NHERF1: variants seen among roughly 807,000 people sequenced by gnomAD.
NHERF1 encodes NHERF family PDZ scaffold protein 1.
At chr17:74,766,183 GTTT>G in the NHERF1 span, among the ~76,000 whole-genome samples, 1 of 151,104 alleles carries the variant, frequency 6.6e-6, no homozygotes, top group African/African-American at 2.5e-5. Flanking sequence ...TTTTTGGTTT[GTTT>G]TTTTTGTTTT....
At chr17:74,768,696 G>A in the NHERF1 span, 1 of 1,584,658 alleles carries the variant, frequency 6.3e-7, no homozygotes, top group Non-Finnish European at 8.7e-7. Flanking sequence ...GGCCGAGCCA[G>A]CATTCCACCC....
At chr17:74,758,219 C>T in the NHERF1 span, among the ~76,000 whole-genome samples, 1 of 152,230 alleles carries the variant, frequency 6.6e-6, no homozygotes, top group Non-Finnish European at 1.5e-5. This position sits in a 1 kb window ranked among gnomAD's most constrained non-coding sequence, Gnocchi z 4.3. Context: ...CTATTGAATT[C>T]CGTGCCCGCC....
At chr17:74,754,300 C>A in the NHERF1 span, among the ~76,000 whole-genome samples, 3 of 151,938 alleles carry the variant, frequency 2.0e-5, no homozygotes, top group African/African-American at 4.8e-5. Context: ...TAGAGTGGCC[C>A]TACCTGGAAG....
chr17:74,762,008 G>T, the NHERF1 span: 3 of 1,613,828 alleles, frequency 1.9e-6, no homozygotes, highest in Non-Finnish European at 2.5e-6. The surrounding 1 kb of genome is among the most constrained non-coding windows in gnomAD (Gnocchi z 4.2). Flanking sequence ...CCCTGTCCCT[G>T]CAGCGCGAGC....
chr17:74,767,180 C>T, the NHERF1 span, among the ~76,000 whole-genome samples: 75 of 152,314 alleles, frequency 4.9e-4, 3 homozygotes, highest in South Asian at 0.015. Context: ...CAGGAGGGAG[C>T]GGGCTGGCTG....
the NHERF1 span, among the ~76,000 whole-genome samples, chr17:74,767,310 GCC>G: frequency 6.6e-6 from 1 of 151,280 alleles, no homozygotes; most frequent in South Asian, 2.1e-4. Flanking sequence ...GGGCAGCCGG[GCC>G]CCTGCTACTT....
At chr17:74,751,472 G>A in the NHERF1 span, among the ~76,000 whole-genome samples, 1,754 of 152,324 alleles carry the variant, frequency 0.012, 33 homozygotes, top group African/African-American at 0.04. The surrounding 1 kb of genome is among the most constrained non-coding windows in gnomAD (Gnocchi z 4.3). Context: ...GATATCAGTG[G>A]AAAAGTGTGG....
the NHERF1 span, chr17:74,749,318 A>G: frequency 2.0e-6 from 3 of 1,515,652 alleles, no homozygotes; most frequent in African/African-American, 2.8e-5. The surrounding 1 kb of genome is among the most constrained non-coding windows in gnomAD (Gnocchi z 5.6). Context: ...GCAGGCTGGC[A>G]TGGAGTGGGA....
At chr17:74,748,934 G>C in the NHERF1 span, 2 of 1,603,554 alleles carry the variant, frequency 1.2e-6, no homozygotes, top group Non-Finnish European at 1.7e-6. This position sits in a 1 kb window ranked among gnomAD's most constrained non-coding sequence, Gnocchi z 4.3. Context: ...CCACCTGCAC[G>C]GGGAGAAGGG....
the NHERF1 span, among the ~76,000 whole-genome samples, chr17:74,755,497 C>T: frequency 6.6e-6 from 1 of 152,286 alleles, no homozygotes; most frequent in African/African-American, 2.4e-5. Flanking sequence ...TCCCTAGGCC[C>T]TAGAAAAGGA....
the NHERF1 span, chr17:74,748,912 C>T: frequency 1.2e-6 from 2 of 1,600,782 alleles, no homozygotes; most frequent in African/African-American, 1.3e-5. The surrounding 1 kb of genome is among the most constrained non-coding windows in gnomAD (Gnocchi z 4.3). Flanking sequence ...AGGGTCCGAA[C>T]GGCTACGGCT....
At chr17:74,763,617 G>T in the NHERF1 span, 1 of 1,312,108 alleles carries the variant, frequency 7.6e-7, no homozygotes. Context: ...GGCGAGGGGT[G>T]GGCAGCTTCC....
chr17:74,768,577 G>GC, the NHERF1 span: 1 of 1,614,144 alleles, frequency 6.2e-7, no homozygotes, highest in African/African-American at 1.3e-5. Flanking sequence ...GCCAAAGAGA[G>GC]GGCCCACCAG....
the NHERF1 span, among the ~76,000 whole-genome samples, chr17:74,755,612 G>A: frequency 6.6e-6 from 1 of 152,204 alleles, no homozygotes; most frequent in Non-Finnish European, 1.5e-5. Flanking sequence ...GGTGCTGAGA[G>A]CTCTGAATTC....
chr17:74,762,916 G>C, the NHERF1 span: 1 of 161,218 alleles, frequency 6.2e-6, no homozygotes, highest in African/African-American at 2.4e-5. This position sits in a 1 kb window ranked among gnomAD's most constrained non-coding sequence, Gnocchi z 4.2. Context: ...CCTGGGAGAG[G>C]AAACGTGAAC....
the NHERF1 span, chr17:74,748,805 A>G: frequency 6.5e-7 from 1 of 1,543,064 alleles, no homozygotes; most frequent in Non-Finnish European, 8.7e-7. This position sits in a 1 kb window ranked among gnomAD's most constrained non-coding sequence, Gnocchi z 4.3. Context: ...TCCCGTCCCC[A>G]TCGGAACCCC....
the NHERF1 span, chr17:74,762,026 T>C: frequency 6.2e-7 from 1 of 1,614,082 alleles, no homozygotes; most frequent in Non-Finnish European, 8.5e-7. The surrounding 1 kb of genome is among the most constrained non-coding windows in gnomAD (Gnocchi z 4.2). Flanking sequence ...AGCTTCGGCC[T>C]CGGCTCTGTA....
chr17:74,769,021 GA>G, the NHERF1 span: 2 of 265,724 alleles, frequency 7.5e-6, no homozygotes, highest in South Asian at 5.2e-5. Context: ...GTCCAGGGCT[GA>G]TCAAAGAACT....
At chr17:74,767,287 A>G in the NHERF1 span, among the ~76,000 whole-genome samples, 1 of 152,020 alleles carries the variant, frequency 6.6e-6, no homozygotes, top group Non-Finnish European at 1.5e-5. Context: ...ACAGAGCTTC[A>G]GTGTCTGGCC....
Sources: allele counts gnomAD v4.1 joint callset (sites outside exome capture counted in the v4.1 genomes callset), GRCh38; gene constraint gnomAD v4.1.1; non-coding constraint Gnocchi (gnomAD v3.1); transcripts MANE v1.5; gene names NCBI Gene and HGNC (gene_info 2026-07-23, HGNC 2026-07-21).